The following NUDT7 variants were observed in gnomAD, a reference collection of about 807,000 sequenced individuals.
NUDT7 encodes nudix hydrolase 7.
NUDT7 carries 19 observed loss-of-function variants against 13.1 expected under a neutral mutation model. The observed-to-expected ratio is 1.45, with a 90% confidence interval of 1.01 to 2.13. The LOEUF (loss-of-function observed/expected upper bound fraction) is 2.13, where lower values mean the gene tolerates loss of function less well. Among genes scored for constraint, NUDT7 ranks in the 30% most tolerant of loss-of-function variants. NUDT7 has a pLI of 0.00. For missense variants in NUDT7, 360 were observed against 291.7 expected, an observed-to-expected ratio of 1.23 and a Z score of -1.71; for synonymous variants, 132 against 109.7, an observed-to-expected ratio of 1.20 and a Z score of -1.27.
Position 77,741,831 on chromosome 16 carries a change from G to T in NUDT7, c.598G>T (p.Ala200Ser). The change falls in exon 4 of 4, where the codon GCC becomes TCC. Residue 200 changes from alanine to serine, a missense_variant. Coordinates refer to ENST00000268533, the MANE Select transcript of NUDT7 (RefSeq NM_001105663.3). ...GMTANLAVLVAFIILEKKPTF... is the reference protein window; with the variant it reads ...GMTANLAVLVSFIILEKKPTF... The stretch of plus-strand genomic sequence containing the variant: ...GACGGCAAACCTTGCAGTGTTGGTG[G>T]CCTTTATCATTTTGGAAAAAAAACC... 1.2e-6 allele frequency: 2 copies of T among 1,614,030 alleles called. No individual in the cohort carries two copies. The highest frequency in any genetic ancestry group is 2.2e-5 in the South Asian group (2 of 91,074).
chr16:77,737,555 G>A (rs578154488), intron 3 of NUDT7: 4 of 151,764 alleles, frequency 2.6e-5, no homozygotes, highest in East Asian at 3.9e-4. Context: ...GTGCAAACTC[G>A]GCTCACTGCA....
chr16:77,731,241 G>C (rs2014309080), intron 2 of NUDT7, among the ~76,000 whole-genome samples: 1 of 152,126 alleles, frequency 6.6e-6, no homozygotes, highest in Non-Finnish European at 1.5e-5. Flanking sequence ...AATTGGAATA[G>C]GTGTACAAGG....
Position 77,741,950 on chromosome 16 carries a change from A to T in NUDT7, c.717A>T (p.Ter239CysextTer30), listed in dbSNP as rs535467068. 1.3e-6 allele frequency: 2 copies of T among 1,584,064 alleles called. No homozygotes were observed. Among genetic ancestry groups the T allele is most frequent in the East Asian group, 2.2e-5 (1 of 44,656 alleles). The change falls in exon 4 of 4, where the codon TGA (stop) becomes TGT (cysteine). Residue 239 changes from the stop codon to cysteine (C), a stop_lost. Coordinates refer to ENST00000268533, the MANE Select transcript of NUDT7 (RefSeq NM_001105663.3). ...KVHKKATSRL* is the reference protein window; with the variant it reads ...KVHKKATSRLC ...ATAAAAAAGCTACAAGCAGGTTATG[A>T]TTTACTAGAGCAAGAGACAAAGAAC...
At chr16:77,730,437 A>G (rs2014284987) in intron 2 of NUDT7, among the ~76,000 whole-genome samples, 1 of 152,190 alleles carries the variant, frequency 6.6e-6, no homozygotes, top group Non-Finnish European at 1.5e-5. Context: ...ATGTTGTCAC[A>G]AATGACAGGA....
intron 2 of NUDT7, among the ~76,000 whole-genome samples, chr16:77,726,314 G>T (rs1418345410): frequency 6.6e-6 from 1 of 152,176 alleles, no homozygotes; most frequent in Non-Finnish European, 1.5e-5. Flanking sequence ...CAAATGTAAA[G>T]CACCTATATA....
chr16:77,735,750 C>T (rs186305), intron 2 of NUDT7, 78 bp from the exon 3 acceptor site: 1,269,616 of 1,302,604 alleles, frequency 0.97, 621,292 homozygotes, highest in South Asian at 0.99. Flanking sequence ...AAATAGAAGT[C>T]CAGTAAGTAT....
chr16:77,725,376 C>G, intron 1 of NUDT7, 55 bp from the exon 2 acceptor site: 3 of 1,531,092 alleles, frequency 2.0e-6, no homozygotes, highest in Non-Finnish European at 1.8e-6. Context: ...GGACTATAAG[C>G]TTTTTACCAT....
In NUDT7 at chr16:77,725,543, G is replaced by A. The variant is rs747939503; in HGVS notation, c.148G>A (p.Glu50Lys). The change falls in exon 2 of 4, where the codon GAA becomes AAA. Residue 50 changes from glutamate (E) to lysine (K), a missense_variant. Coordinates refer to ENST00000268533, the MANE Select transcript of NUDT7 (RefSeq NM_001105663.3). ...YSVLLPLVAK[E>K]GKLHLLFTVR... ...CGTCCTTTTGCCATTGGTGGCTAAAGAAGGAAAACTCCATTTGTTGTTCAC... is the reference window on the plus strand; with the variant it reads ...CGTCCTTTTGCCATTGGTGGCTAAAAAAGGAAAACTCCATTTGTTGTTCAC... The A allele has an allele frequency of 3.7e-6, 6 of 1,614,108 alleles. No individual in the cohort carries two copies. Among genetic ancestry groups the A allele is most frequent in the South Asian group, 1.1e-5 (1 of 91,060 alleles).
At chr16:77,733,044 A>T (rs2014367857) in intron 2 of NUDT7, among the ~76,000 whole-genome samples, 1 of 152,170 alleles carries the variant, frequency 6.6e-6, no homozygotes. Flanking sequence ...ACTGTAATTG[A>T]TGTGAAGATG....
At chr16:77,736,136 G>A (rs2014478319) in intron 3 of NUDT7, 150 bp downstream of exon 3, 1 of 706,850 alleles carries the variant, frequency 1.4e-6, no homozygotes, top group Non-Finnish European at 2.3e-6. Context: ...TGCCCCTCAT[G>A]AGTCAAGTGG....
intron 3 of NUDT7, among the ~76,000 whole-genome samples, chr16:77,741,263 T>C (rs993387560): frequency 6.6e-6 from 1 of 152,208 alleles, no homozygotes; most frequent in Non-Finnish European, 1.5e-5. Flanking sequence ...TAGGAATTTA[T>C]CATACAGATA....
intron 3 of NUDT7, among the ~76,000 whole-genome samples, chr16:77,740,771 C>G (rs1441956391): frequency 2.6e-5 from 4 of 152,102 alleles, no homozygotes; most frequent in African/African-American, 9.7e-5. Context: ...TGGTCTCAAA[C>G]TCCTGACCTC....
chr16:77,740,915 T>C (rs933052204), intron 3 of NUDT7, among the ~76,000 whole-genome samples: 1 of 152,226 alleles, frequency 6.6e-6, no homozygotes, highest in Non-Finnish European at 1.5e-5. Flanking sequence ...TATATACATG[T>C]GTGTTATATA....
chr16:77,733,555 C>T (rs1182234442), intron 2 of NUDT7, among the ~76,000 whole-genome samples: 2 of 152,220 alleles, frequency 1.3e-5, no homozygotes, highest in African/African-American at 4.8e-5. Context: ...TTGCAGGCAT[C>T]TAGTTTATCC....
In NUDT7 at chr16:77,725,603, T is replaced by C. The variant is rs1025133937; in HGVS notation, c.189+19T>C. On this transcript the variant is annotated intron_variant, in intron 2 of 3. Transcript: ENST00000268533. Reference sequence around the variant, plus strand: ...AGAGAAGGTAGGTGGACAAAAAATTTCCTGCCCTTAAACCTCAGGACATCA... The same window carrying C: ...AGAGAAGGTAGGTGGACAAAAAATTCCCTGCCCTTAAACCTCAGGACATCA... 5.6e-6 allele frequency: 9 copies of C among 1,612,478 alleles called. No individual in the cohort carries two copies. The highest frequency in any genetic ancestry group is 7.6e-6 in the Non-Finnish European group (9 of 1,179,192).
chr16:77,742,009 G>T lies in NUDT7; in HGVS notation c.*59G>T. ...AGGATTCTGTGTGTGCTTATTCGTA[G>T]AACAACAACAATGCCAGCTGTTGGA... On this transcript the variant is annotated 3_prime_UTR_variant, in exon 4 of 4. Transcript: ENST00000268533. 6.6e-7 allele frequency: 1 copy of T among 1,505,450 alleles called. No individual in the cohort carries two copies. The highest frequency in any genetic ancestry group is 8.8e-7 in the Non-Finnish European group (1 of 1,135,450). 93.3% of individuals were successfully genotyped at this position (1,505,450 alleles called of 1,614,324 possible). A position where few individuals can be genotyped will look rare whatever the true frequency, so the allele number is the denominator to read the frequency against.
At chr16:77,731,211 T>C (rs2014308278) in intron 2 of NUDT7, among the ~76,000 whole-genome samples, 1 of 152,214 alleles carries the variant, frequency 6.6e-6, no homozygotes, top group Non-Finnish European at 1.5e-5. Flanking sequence ...AATGATCTTT[T>C]CCAATTCCTA....
At chr16:77,740,556 AT>A (rs1189801926) in intron 3 of NUDT7, among the ~76,000 whole-genome samples, 1 of 151,778 alleles carries the variant, frequency 6.6e-6, no homozygotes, top group Non-Finnish European at 1.5e-5. Flanking sequence ...ATTTATTTTT[AT>A]TTTTGAGACT....
Position 77,741,968 on chromosome 16 carries a change from C to T in NUDT7, c.*18C>T. Reference sequence around the variant, plus strand: ...GGTTATGATTTACTAGAGCAAGAGACAAAGAACTATTCACGAGGATTCTGT... The same window carrying T: ...GGTTATGATTTACTAGAGCAAGAGATAAAGAACTATTCACGAGGATTCTGT... On this transcript the variant is annotated 3_prime_UTR_variant, in exon 4 of 4. Transcript: ENST00000268533. 1 of 1,558,304 alleles carries T rather than the reference C, an allele frequency of 6.4e-7. No homozygotes were observed. The highest frequency in any genetic ancestry group is 1.2e-5 in the South Asian group (1 of 81,448).
Sources: allele counts gnomAD v4.1 joint callset (sites outside exome capture counted in the v4.1 genomes callset), GRCh38; gene constraint gnomAD v4.1.1; transcripts MANE v1.5; gene names NCBI Gene and HGNC (gene_info 2026-07-23, HGNC 2026-07-21).